NT5DC1: variants seen among roughly 807,000 people sequenced by gnomAD.
The protein encoded by NT5DC1 is 5'-nucleotidase domain containing 1, also known as 5'-nucleotidase domain-containing protein 1.
Under a neutral mutation model 59.4 loss-of-function variants are expected in NT5DC1, and 42 were observed. That is an observed-to-expected ratio of 0.71 (90% CI 0.55 to 0.92). NT5DC1 has a LOEUF of 0.92. NT5DC1 is among the 40% of genes least tolerant of loss of function. The probability of loss-of-function intolerance (pLI) is 0.00; values close to 1 mark genes in which losing one functional copy is unlikely to be tolerated. For synonymous variants in NT5DC1, 172 were observed against 188.1 expected, an observed-to-expected ratio of 0.91 and a Z score of 0.70; for missense variants, 501 against 537.1, an observed-to-expected ratio of 0.93 and a Z score of 0.66.
intron 6 of NT5DC1, among the ~76,000 whole-genome samples, chr6:116,142,439 T>C (rs1363518524): frequency 2.6e-5 from 4 of 152,204 alleles, no homozygotes; most frequent in Non-Finnish European, 4.4e-5. Flanking sequence ...TCATCAATGC[T>C]AGTTCTACTC....
At chr6:116,135,872 T>TATATATATAC (rs368675402) in intron 6 of NT5DC1, among the ~76,000 whole-genome samples, 5 of 121,296 alleles carry the variant, frequency 4.1e-5, no homozygotes, top group South Asian at 4.9e-4. Context: ...TATATATATA[T>TATATATATAC]ACACACATAC....
intron 5 of NT5DC1, among the ~76,000 whole-genome samples, chr6:116,117,203 A>G (rs536969122): frequency 1.0e-3 from 154 of 152,296 alleles, no homozygotes; most frequent in African/African-American, 3.6e-3. Context: ...AACACTATGA[A>G]TTTGCTGTGT....
chr6:116,225,137 A>G (rs1228424119), intron 8 of NT5DC1, among the ~76,000 whole-genome samples: 1 of 152,172 alleles, frequency 6.6e-6, no homozygotes, highest in Non-Finnish European at 1.5e-5. Flanking sequence ...AGACTTGGGG[A>G]AAAATACAGA....
At chr6:116,164,597 T>A (rs1392657093) in intron 6 of NT5DC1, among the ~76,000 whole-genome samples, 1 of 152,202 alleles carries the variant, frequency 6.6e-6, no homozygotes, top group Non-Finnish European at 1.5e-5. Context: ...ATATGTGAGG[T>A]TTTGTTCCTT....
chr6:116,112,314 AATAAT>A (rs1582806479), intron 4 of NT5DC1, among the ~76,000 whole-genome samples: 1 of 152,220 alleles, frequency 6.6e-6, no homozygotes, highest in Admixed American at 6.5e-5. Flanking sequence ...GCCTTTAAAA[AATAAT>A]ATGAGTTTTT....
chr6:116,120,709 T>A, intron 6 of NT5DC1: 1 of 1,561,100 alleles, frequency 6.4e-7, no homozygotes, highest in South Asian at 1.2e-5. Context: ...CGGGACTTCC[T>A]GGATCCCCTT....
intron 6 of NT5DC1, among the ~76,000 whole-genome samples, chr6:116,191,333 TAAAC>T (rs1287233451): frequency 6.6e-6 from 1 of 151,920 alleles, no homozygotes. Flanking sequence ...TTAACCATAG[TAAAC>T]AAACAAACAA....
chr6:116,102,020 A>G (rs1456426341), intron 1 of NT5DC1, among the ~76,000 whole-genome samples: 1 of 152,250 alleles, frequency 6.6e-6, no homozygotes, highest in Non-Finnish European at 1.5e-5. Flanking sequence ...AATGGAGCTA[A>G]TAATTGGATT....
At chr6:116,229,728 T>G (rs1781979421) in intron 8 of NT5DC1, among the ~76,000 whole-genome samples, 1 of 152,186 alleles carries the variant, frequency 6.6e-6, no homozygotes, top group African/African-American at 2.4e-5. Flanking sequence ...TCGCCAATGC[T>G]GCTAGCTCAG....
chr6:116,170,576 G>A (rs1780582372), intron 6 of NT5DC1, among the ~76,000 whole-genome samples: 1 of 152,116 alleles, frequency 6.6e-6, no homozygotes, highest in Non-Finnish European at 1.5e-5. Flanking sequence ...TTAGCTGTTG[G>A]GTTTGTTTGT....
chr6:116,211,172 G>C (rs1376575667), intron 6 of NT5DC1, among the ~76,000 whole-genome samples: 3 of 152,048 alleles, frequency 2.0e-5, no homozygotes, highest in Non-Finnish European at 4.4e-5. Context: ...TAGCTAAGTG[G>C]AGAGATGTTT....
chr6:116,230,893 C>T (rs1220197482), intron 8 of NT5DC1, among the ~76,000 whole-genome samples: 4 of 151,978 alleles, frequency 2.6e-5, no homozygotes, highest in African/African-American at 9.7e-5. Context: ...AACAGCTCCC[C>T]GAATGAAGGA....
rs145214720 is a variant in NT5DC1, at chr6:116,121,860, C to T, written c.529+3915C>T. 1,656 of 1,613,950 alleles carry T rather than the reference C, an allele frequency of 1.0e-3. No homozygotes were observed. Among genetic ancestry groups the T allele is most frequent in the Non-Finnish European group, 1.3e-3 (1,536 of 1,179,966 alleles). Reference sequence around the variant, plus strand: ...GGCTCTCCTTGGAGTCCAGGACTTCCGTAGCCTGGTTTTCCTGGTGGTCCA... The same window carrying T: ...GGCTCTCCTTGGAGTCCAGGACTTCTGTAGCCTGGTTTTCCTGGTGGTCCA... On this transcript the variant is annotated intron_variant, in intron 6 of 11. Coordinates refer to ENST00000319550, the MANE Select transcript of NT5DC1 (RefSeq NM_152729.3).
At chr6:116,156,349 G>A (rs1780193304) in intron 6 of NT5DC1, among the ~76,000 whole-genome samples, 2 of 151,714 alleles carry the variant, frequency 1.3e-5, no homozygotes, top group Non-Finnish European at 2.9e-5. Flanking sequence ...TCAACTAGTT[G>A]TGTTTCGTTT....
At chr6:116,121,301 G>A in intron 6 of NT5DC1, 1 of 1,614,036 alleles carries the variant, frequency 6.2e-7, no homozygotes, top group East Asian at 2.2e-5. Flanking sequence ...TGGCTGGCCT[G>A]GGGCTCCAGC....
intron 6 of NT5DC1, among the ~76,000 whole-genome samples, chr6:116,151,363 G>A (rs777377649): frequency 2.0e-5 from 3 of 152,118 alleles, no homozygotes; most frequent in Non-Finnish European, 4.4e-5. Flanking sequence ...TCTCAAAATT[G>A]TACAGGAAGA....
At position 116,145,194 on chromosome 6, in the gene NT5DC1, C is replaced by T. The variant is rs189783950; in HGVS notation, c.529+27249C>T. Among the ~76,000 whole-genome samples, 76 of 152,128 alleles carry T rather than the reference C, an allele frequency of 5.0e-4. 1 individual carries two copies. The East Asian group carries it at 0.014, about 28-fold the overall frequency. Reference sequence around the variant, plus strand: ...TGCAGTGAGAAGTTGGACAGTTGTCCTCAACAGAGGACAACTGATAACAGC... The same window carrying T: ...TGCAGTGAGAAGTTGGACAGTTGTCTTCAACAGAGGACAACTGATAACAGC... On this transcript the variant is annotated intron_variant, in intron 6 of 11. Transcript: ENST00000319550.
intron 8 of NT5DC1, among the ~76,000 whole-genome samples, chr6:116,223,978 T>A (rs1781859611): frequency 6.6e-6 from 1 of 152,178 alleles, no homozygotes; most frequent in South Asian, 2.1e-4. Context: ...AATGATAAAA[T>A]TAACATACAT....
At chr6:116,132,275 G>A (rs1339708038) in intron 6 of NT5DC1, among the ~76,000 whole-genome samples, 1 of 152,106 alleles carries the variant, frequency 6.6e-6, no homozygotes, top group Non-Finnish European at 1.5e-5. Context: ...GTCCACCTTA[G>A]AGGTGAAAAT....
Sources: allele counts gnomAD v4.1 joint callset (sites outside exome capture counted in the v4.1 genomes callset), GRCh38; gene constraint gnomAD v4.1.1; transcripts MANE v1.5; gene names NCBI Gene and HGNC (gene_info 2026-07-23, HGNC 2026-07-21).